Variants in CHRM3 observed in about 807,000 individuals in gnomAD.
The protein encoded by CHRM3 is cholinergic receptor muscarinic 3, also known as muscarinic acetylcholine receptor M3.
Under a neutral mutation model 41.8 loss-of-function variants are expected in CHRM3, and 11 were observed. The observed-to-expected ratio is 0.26, with a 90% CI of 0.17 to 0.44. CHRM3 has a LOEUF of 0.44. Ranked by LOEUF, CHRM3 falls within the 20% of genes least tolerant of loss-of-function variation. CHRM3 has a pLI of 1.00. For synonymous variants in CHRM3, 297 were observed against 301.4 expected, an observed-to-expected ratio of 0.99 and a Z score of 0.15; for missense variants, 571 against 745.4, an observed-to-expected ratio of 0.77 and a Z score of 2.72.
intron 6 of CHRM3, among the ~76,000 whole-genome samples, chr1:239,857,704 A>G (rs1416028399): frequency 2.6e-5 from 4 of 152,222 alleles, no homozygotes; most frequent in African/African-American, 7.2e-5. Flanking sequence ...TCTTTGTTTC[A>G]CCTCAGCTAG....
At position 239,387,935 on chromosome 1, in the gene CHRM3, T is replaced by TCC. The variant is rs1655105275; in HGVS notation, c.-521+708_-521+709insCC. 6.6e-6 allele frequency among the ~76,000 whole-genome samples: 1 copy of TCC among 152,146 alleles called. No individual in the cohort carries two copies. Among genetic ancestry groups the TCC allele is most frequent in the Non-Finnish European group, 1.5e-5 (1 of 68,016 alleles). On this transcript the variant is annotated intron_variant, in intron 1 of 6. Transcript: ENST00000676153. The surrounding 1 kb of genome is among the most constrained non-coding windows in gnomAD (Gnocchi z 5.1). ...TCCTCTTTGGAACACTTCCTCAGCA[T>TCC]AGCCTCCTAATAGCGAGGTTAATTT...
chr1:239,819,082 C>G (rs1024474985), intron 5 of CHRM3, among the ~76,000 whole-genome samples: 1 of 152,132 alleles, frequency 6.6e-6, no homozygotes, highest in African/African-American at 2.4e-5. Flanking sequence ...TAACATGAGC[C>G]AGTTATCCTC....
chr1:239,807,908 T>C (rs1670790908), intron 5 of CHRM3, among the ~76,000 whole-genome samples: 1 of 152,142 alleles, frequency 6.6e-6, no homozygotes, highest in Non-Finnish European at 1.5e-5. Context: ...TAAAAGAATT[T>C]GCTGCTTGGT....
intron 1 of CHRM3, among the ~76,000 whole-genome samples, chr1:239,480,543 A>ATTTTTTTTTTT (rs745979239): frequency 1.4e-4 from 16 of 110,720 alleles, no homozygotes; most frequent in African/African-American, 2.4e-4. Flanking sequence ...CGATAGCCCA[A>ATTTTTTTTTTT]TTTTTTTTTT....
rs568605281 is a variant in CHRM3 at position 239,849,393 on chromosome 1, G to A, written c.-20+22015G>A. 1.1e-4 allele frequency among the ~76,000 whole-genome samples: 16 copies of A among 152,258 alleles called. No individual in the cohort carries two copies. The East Asian group carries it at 2.7e-3, about 26-fold the overall frequency. ...GTTTCCCATTATAGGTGCAGCACAC[G>A]CCTGGACTTGAGTCCTAAAACAAAC... is the stretch of plus-strand genomic sequence containing the variant. On this transcript the variant is annotated intron_variant, in intron 6 of 6. Transcript: ENST00000676153.
intron 5 of CHRM3, among the ~76,000 whole-genome samples, chr1:239,780,817 TTG>T (rs58429256): frequency 0.77 from 116,065 of 150,582 alleles, 44,988 homozygotes; most frequent in African/African-American, 0.8. Context: ...CTACATTTAT[TTG>T]TGTGTGTGTG....
chr1:239,826,675 T>C (rs927130762), intron 5 of CHRM3, among the ~76,000 whole-genome samples: 2 of 152,028 alleles, frequency 1.3e-5, no homozygotes, highest in Non-Finnish European at 2.9e-5. Context: ...AGATTTTTGA[T>C]AAAGGGTAGA....
chr1:239,776,192 A>C (rs1489833282), intron 5 of CHRM3, among the ~76,000 whole-genome samples: 5 of 152,018 alleles, frequency 3.3e-5, no homozygotes, highest in Non-Finnish European at 7.4e-5. Context: ...AAAAGCACAG[A>C]CTCTGGAGCC....
chr1:239,762,280 C>A (rs773398296), intron 5 of CHRM3, among the ~76,000 whole-genome samples: 2 of 152,090 alleles, frequency 1.3e-5, no homozygotes, highest in Non-Finnish European at 2.9e-5. Flanking sequence ...ACTTCATCTG[C>A]AGTTTTGCGG....
intron 5 of CHRM3, among the ~76,000 whole-genome samples, chr1:239,702,694 T>A (rs943871332): frequency 2.0e-5 from 3 of 152,264 alleles, no homozygotes; most frequent in Non-Finnish European, 4.4e-5. Flanking sequence ...CACTGCAGCC[T>A]CTGCCTCCTG....
intron 3 of CHRM3, among the ~76,000 whole-genome samples, chr1:239,567,875 T>C (rs988278188): frequency 6.6e-6 from 1 of 152,180 alleles, no homozygotes; most frequent in Non-Finnish European, 1.5e-5. Context: ...GCTTGTTTGG[T>C]GGCTTTCTCT....
intron 4 of CHRM3, among the ~76,000 whole-genome samples, chr1:239,669,271 G>A (rs1297137813): frequency 6.6e-6 from 1 of 151,968 alleles, no homozygotes; most frequent in Non-Finnish European, 1.5e-5. Context: ...CTTTTTATAC[G>A]CTCCTTTCTT....
intron 6 of CHRM3, among the ~76,000 whole-genome samples, chr1:239,882,731 C>T (rs928938713): frequency 7.9e-5 from 12 of 152,184 alleles, no homozygotes; most frequent in African/African-American, 2.9e-4. Context: ...ATGGACATAT[C>T]TTTAGAATAT....
chr1:239,436,566 A>G (rs2103218344), intron 1 of CHRM3, among the ~76,000 whole-genome samples: 1 of 151,752 alleles, frequency 6.6e-6, no homozygotes, highest in African/African-American at 2.4e-5. Flanking sequence ...CATCTGTCTC[A>G]CCAACCATTC....
chr1:239,631,901 T>C (rs916853939), intron 3 of CHRM3, among the ~76,000 whole-genome samples: 4 of 152,226 alleles, frequency 2.6e-5, no homozygotes, highest in Non-Finnish European at 5.9e-5. Flanking sequence ...GAGCAACTTC[T>C]TTATTTTTAT....
intron 6 of CHRM3, among the ~76,000 whole-genome samples, chr1:239,879,465 C>T (rs1015433106): frequency 6.6e-6 from 1 of 152,202 alleles, no homozygotes; most frequent in Non-Finnish European, 1.5e-5. Flanking sequence ...CAGAAGCCAA[C>T]TTTGCCTTGC....
intron 5 of CHRM3, among the ~76,000 whole-genome samples, chr1:239,697,236 C>T (rs938565158): frequency 1.3e-5 from 2 of 152,230 alleles, no homozygotes; most frequent in Admixed American, 6.5e-5. Context: ...AGGTCTTTCC[C>T]ATGCTGTTCT....
intron 2 of CHRM3, among the ~76,000 whole-genome samples, chr1:239,500,293 AG>A (rs1668143528): frequency 6.6e-6 from 1 of 152,198 alleles, no homozygotes; most frequent in Non-Finnish European, 1.5e-5. Flanking sequence ...AGACATAAAA[AG>A]GATGAGTTCA....
chr1:239,759,984 G>T (rs968954641), intron 5 of CHRM3, among the ~76,000 whole-genome samples: 1 of 151,968 alleles, frequency 6.6e-6, no homozygotes, highest in Non-Finnish European at 1.5e-5. Context: ...GCGCGATCTA[G>T]ACTCACTGCA....
Sources: gnomAD v4.1 joint callset for allele counts (sites outside exome capture counted in the v4.1 genomes callset) on GRCh38, gnomAD v4.1.1 for gene constraint, Gnocchi (gnomAD v3.1) non-coding constraint, MANE v1.5 for transcripts, NCBI Gene and HGNC (gene_info 2026-07-23, HGNC 2026-07-21) for gene names.